NELL2: variants seen among roughly 807,000 people sequenced by gnomAD.
NELL2 encodes neural EGFL like 2.
In NELL2, 41 loss-of-function variants were observed where a neutral mutation model predicts 109.6. That is an observed-to-expected ratio of 0.37 (90% CI 0.29 to 0.49). The LOEUF is 0.49. NELL2 is among the 20% of genes least tolerant of loss of function. The pLI, the probability that NELL2 is intolerant of heterozygous loss-of-function variation, is 0.98. For synonymous variants in NELL2, 355 were observed against 344.7 expected, an observed-to-expected ratio of 1.03 and a Z score of -0.33; for missense variants, 900 against 1,008.3, an observed-to-expected ratio of 0.89 and a Z score of 1.45.
chr12:44,878,375 T>C (rs1333548098), upstream of NELL2, among the ~76,000 whole-genome samples: 3 of 152,208 alleles, frequency 2.0e-5, no homozygotes, highest in African/African-American at 4.8e-5. Flanking sequence ...AACTAAGGTA[T>C]AAGGTTTGGA....
intron 10 of NELL2, among the ~76,000 whole-genome samples, chr12:44,713,920 A>G (rs1273169502): frequency 6.6e-6 from 1 of 151,978 alleles, no homozygotes; most frequent in Non-Finnish European, 1.5e-5. Flanking sequence ...GGAGGTATTT[A>G]AAGAGGAAAA....
intron 15 of NELL2, among the ~76,000 whole-genome samples, chr12:44,542,587 C>T (rs1942625901): frequency 1.3e-5 from 2 of 152,060 alleles, no homozygotes; most frequent in African/African-American, 2.4e-5. Flanking sequence ...GATAAAATCA[C>T]CCTGGACTTA....
chr12:44,729,024 G>A (rs1351613194), intron 9 of NELL2, among the ~76,000 whole-genome samples: 1 of 151,906 alleles, frequency 6.6e-6, no homozygotes, highest in Non-Finnish European at 1.5e-5. Flanking sequence ...ACAGCAACAC[G>A]AAAGTATATA....
intron 13 of NELL2, among the ~76,000 whole-genome samples, chr12:44,630,342 A>C (rs1200684065): frequency 6.6e-6 from 1 of 152,216 alleles, no homozygotes; most frequent in Non-Finnish European, 1.5e-5. Flanking sequence ...GGGTGAAAAA[A>C]TTTCTTCAAA....
intron 13 of NELL2, among the ~76,000 whole-genome samples, chr12:44,623,894 C>T (rs1278569488): frequency 6.6e-6 from 1 of 152,010 alleles, no homozygotes; most frequent in African/African-American, 2.4e-5. Flanking sequence ...GAACAGAAAA[C>T]CAAACACTGC....
intron 2 of NELL2, among the ~76,000 whole-genome samples, chr12:44,830,689 G>T (rs187119412): frequency 2.8e-4 from 43 of 152,080 alleles, no homozygotes. Context: ...TTGCTGCTCA[G>T]AGATTTTACA....
At chr12:44,790,634 A>T (rs2095000461) in intron 3 of NELL2, among the ~76,000 whole-genome samples, 1 of 152,030 alleles carries the variant, frequency 6.6e-6, no homozygotes, top group African/African-American at 2.4e-5. Flanking sequence ...GCAACAAAGA[A>T]CATGATGAAT....
chr12:44,593,269 A>G (rs555119184), intron 15 of NELL2, among the ~76,000 whole-genome samples: 1 of 152,332 alleles, frequency 6.6e-6, no homozygotes, highest in South Asian at 2.1e-4. Context: ...AATAAGAAAG[A>G]AAAGAGATGA....
intron 1 of NELL2, chr12:44,913,726 A>G (rs1443533622): frequency 3.8e-5 from 22 of 585,222 alleles, no homozygotes. Flanking sequence ...TCAGGTCACT[A>G]TACCCTCCTT....
chr12:44,840,921 G>T (rs1358018235), intron 2 of NELL2, among the ~76,000 whole-genome samples: 1 of 152,210 alleles, frequency 6.6e-6, no homozygotes, highest in Non-Finnish European at 1.5e-5. Context: ...GTTTATGTGT[G>T]TAAATTTGAG....
At chr12:44,683,689 T>A (rs1179047507) in intron 12 of NELL2, among the ~76,000 whole-genome samples, 1 of 152,176 alleles carries the variant, frequency 6.6e-6, no homozygotes, top group African/African-American at 2.4e-5. Flanking sequence ...ATGTGGTTTT[T>A]GTCTTTGGTT....
chr12:44,865,631 A>G (rs11182720), intron 2 of NELL2, among the ~76,000 whole-genome samples: 83,032 of 84,234 alleles, frequency 0.99, 40,951 homozygotes, highest in East Asian at 1. Flanking sequence ...CATGTACACA[A>G]GAAGGGGAAT....
At chr12:44,682,125 T>C (rs542765752) in intron 12 of NELL2, among the ~76,000 whole-genome samples, 2 of 149,952 alleles carry the variant, frequency 1.3e-5, no homozygotes, top group East Asian at 3.9e-4. Flanking sequence ...TGGTGTGAGA[T>C]GATATCTCAT....
At chr12:44,873,872 C>A (rs1241749151) in intron 2 of NELL2, among the ~76,000 whole-genome samples, 1 of 150,064 alleles carries the variant, frequency 6.7e-6, no homozygotes, top group Admixed American at 6.6e-5. Context: ...AATATCCAAG[C>A]CCCACCCTCT....
Position 44,693,290 on chromosome 12 carries a change from C to T in NELL2, c.1318+10436G>A, listed in dbSNP as rs1447279624. On this transcript the variant is annotated intron_variant, in intron 12 of 19. Transcript: ENST00000429094. ...AGTAAAATATGTTTAAATTAAGATA[C>T]ATACATTTTTAAAGACATAATGACA... 2.0e-5 allele frequency among the ~76,000 whole-genome samples: 3 copies of T among 152,124 alleles called. No homozygotes were observed. The East Asian group carries it at 5.8e-4, about 29-fold the overall frequency.
chr12:44,914,860 T>A (rs1325979254), upstream of NELL2, among the ~76,000 whole-genome samples: 1 of 151,992 alleles, frequency 6.6e-6, no homozygotes, highest in Admixed American at 6.6e-5. Flanking sequence ...GAAATTTTTT[T>A]TTTTTTTGAG....
chr12:44,689,114 C>G (rs771734060), intron 12 of NELL2, among the ~76,000 whole-genome samples: 1 of 152,160 alleles, frequency 6.6e-6, no homozygotes, highest in African/African-American at 2.4e-5. Flanking sequence ...TGAGTGCACT[C>G]GGTGTTCCTA....
intron 13 of NELL2, among the ~76,000 whole-genome samples, chr12:44,614,016 A>G (rs1011799372): frequency 4.6e-5 from 7 of 152,068 alleles, no homozygotes; most frequent in African/African-American, 1.7e-4. Flanking sequence ...TTATGTTCCA[A>G]TGTTTAAGAA....
At position 44,851,408 on chromosome 12, in the gene NELL2, A is replaced by G. The variant is rs537733631; in HGVS notation, c.184+23817T>C. Among the ~76,000 whole-genome samples the G allele has an allele frequency of 3.9e-5, 6 of 152,320 alleles. No individual in the cohort carries two copies. The South Asian group carries it at 1.2e-3, about 32-fold the overall frequency. ...AGAATAATGAAATATTAAATGTTCT[A>G]AAACCTCAGACAAGCCAAAATTTGG... On this transcript the variant is annotated intron_variant, in intron 2 of 19. Coordinates refer to ENST00000429094, the MANE Select transcript of NELL2 (RefSeq NM_001145108.2).
Sources: allele counts gnomAD v4.1 joint callset (sites outside exome capture counted in the v4.1 genomes callset), GRCh38; gene constraint gnomAD v4.1.1; transcripts MANE v1.5; gene names NCBI Gene and HGNC (gene_info 2026-07-23, HGNC 2026-07-21).